FRYL: variants seen among roughly 807,000 people sequenced by gnomAD.
FRYL encodes the protein protein furry homolog-like.
Under a neutral mutation model 351.2 loss-of-function variants are expected in FRYL, and 150 were observed. The ratio of observed to expected loss-of-function variants is 0.43; its 90% confidence interval spans 0.37 to 0.49. The LOEUF is 0.49. Ranked by LOEUF, FRYL falls within the 20% of genes least tolerant of loss-of-function variation. The pLI, the probability that FRYL is intolerant of heterozygous loss-of-function variation, is 0.00. For missense variants in FRYL, 3,036 were observed against 3,619.3 expected (o/e 0.84, Z 4.13); for synonymous variants, 1,153 against 1,257.1 (o/e 0.92, Z 1.75).
Position 48,602,044 on chromosome 4 carries a change from T to C in FRYL, c.1011A>G (p.Leu337=), listed in dbSNP as rs762157539. 5.0e-6 allele frequency: 8 copies of C among 1,588,634 alleles called. No homozygotes were observed. Among genetic ancestry groups the C allele is most frequent in the Non-Finnish European group, 6.0e-6 (7 of 1,157,740 alleles). ...CCTTTAAATGTGACAAACAGTTCTG[T>C]AGGAAAATATGCCAGTTATTTAAAA... The part of the protein sequence containing the change: ...QFFLNNWHIF[L]QNCLSHLKNK... Residue 337 remains leucine (L), a synonymous_variant, in exon 13 of 64, where the codon CTA becomes CTG. Coordinates refer to ENST00000358350, the MANE Select transcript of FRYL (RefSeq NM_015030.2).
intron 4 of FRYL, among the ~76,000 whole-genome samples, chr4:48,627,875 G>A (rs559296521): frequency 1.1e-4 from 17 of 152,228 alleles, no homozygotes; most frequent in African/African-American, 4.1e-4. Context: ...GGGTTTAAGT[G>A]ATTCTTCTGC....
intron 59 of FRYL, 76 bp downstream of exon 59, chr4:48,509,983 G>A: frequency 1.1e-6 from 1 of 936,164 alleles, no homozygotes. Flanking sequence ...TTTCTGTCTG[G>A]GCTATTCTGC....
At chr4:48,706,735 G>C (rs1001909320) in intron 2 of FRYL, among the ~76,000 whole-genome samples, 3 of 152,102 alleles carry the variant, frequency 2.0e-5, no homozygotes, top group African/African-American at 7.2e-5. Flanking sequence ...AAAGAGCTTG[G>C]TTTCCATCTT....
At chr4:48,648,652 A>G (rs553032908) in intron 3 of FRYL, among the ~76,000 whole-genome samples, 39 of 152,212 alleles carry the variant, frequency 2.6e-4, no homozygotes, top group Non-Finnish European at 4.0e-4. Context: ...CAATTTATCA[A>G]TTGAAGAATG....
At chr4:48,773,574 G>A (rs1389531400) in intron 1 of FRYL, among the ~76,000 whole-genome samples, 5 of 151,776 alleles carry the variant, frequency 3.3e-5, no homozygotes, top group African/African-American at 1.2e-4. Context: ...GTTTTCATAG[G>A]GGAAAAAAAA....
chr4:48,500,017 C>A lies in FRYL; in HGVS notation c.8783+13G>T. Reference sequence around the variant, plus strand: ...ATTTAAAGGCATCACCTTTAAATCCCGTCACGTTTTACCTGAAAGCTTTGA... The same window carrying A: ...ATTTAAAGGCATCACCTTTAAATCCAGTCACGTTTTACCTGAAAGCTTTGA... On this transcript the variant is annotated intron_variant, in intron 63 of 63. Transcript: ENST00000358350. 6.5e-7 allele frequency: 1 copy of A among 1,546,998 alleles called. No individual in the cohort carries two copies.
chr4:48,506,708 A>T (rs1721132389), intron 59 of FRYL: 1 of 144,168 alleles, frequency 6.9e-6, no homozygotes, highest in South Asian at 2.2e-4. Flanking sequence ...TAGCTGCATT[A>T]AGCAGCTACT....
chr4:48,738,828 A>G (rs190744719), intron 1 of FRYL, among the ~76,000 whole-genome samples: 1 of 152,148 alleles, frequency 6.6e-6, no homozygotes, highest in Admixed American at 6.6e-5. Flanking sequence ...TATTGTAACA[A>G]TGTTAGTTAT....
rs754944681 is a variant in FRYL at position 48,499,501 on chromosome 4, T to TCTC, written c.8960_8962dup (p.Arg2987_Glu2988insGly). On this transcript the variant is annotated inframe_insertion, in exon 64 of 64. Transcript: ENST00000358350. ...GTATGATTGCACCATGCGTAGAGAC[T>TCTC]CTCTTATTTCCAGATTAAGTTCCAT... The TCTC allele has an allele frequency of 6.2e-7, 1 of 1,613,970 alleles. No individual in the cohort carries two copies. The highest frequency in any genetic ancestry group is 2.2e-5 in the East Asian group (1 of 44,876).
intron 22 of FRYL, 93 bp from the exon 23 acceptor site, chr4:48,579,334 T>C (rs1399479753): frequency 5.9e-6 from 6 of 1,011,922 alleles, no homozygotes; most frequent in South Asian, 1.7e-5. Context: ...GGTGTATTAG[T>C]AGTTTCTAAA....
In FRYL at chr4:48,617,824, C is replaced by T. The variant is rs78122141; in HGVS notation, c.411+1450G>A. ...AGAAAAGGATGCCATGGGAAATGAACGAAGGAGGAAGGCACAATGGGGCCA... is the reference window on the plus strand; with the variant it reads ...AGAAAAGGATGCCATGGGAAATGAATGAAGGAGGAAGGCACAATGGGGCCA... On this transcript the variant is annotated intron_variant, in intron 7 of 63. Transcript: ENST00000358350. The T allele has an allele frequency of 9.5e-3, 1,447 of 152,302 alleles. 18 individuals carry two copies. The highest frequency in any genetic ancestry group is 0.014 in the Non-Finnish European group (937 of 68,108). The allele number at this position is 152,302 out of a possible 1,614,324, so 9.4% of individuals were successfully genotyped here. A position where few individuals can be genotyped will look rare whatever the true frequency, so the allele number is the denominator to read the frequency against.
chr4:48,655,840 T>C (rs921451324), intron 3 of FRYL, among the ~76,000 whole-genome samples: 48 of 143,492 alleles, frequency 3.3e-4, no homozygotes, highest in Non-Finnish European at 1.5e-4. Flanking sequence ...TTATATATAC[T>C]ATATATAATG....
chr4:48,609,853 G>C, intron 7 of FRYL, 30 bp from the exon 8 acceptor site: 1 of 1,249,000 alleles, frequency 8.0e-7, no homozygotes, highest in Non-Finnish European at 1.1e-6. Context: ...TCAAGTAAGA[G>C]TTAAATTATT....
chr4:48,663,838 T>C (rs1578613062), intron 3 of FRYL, among the ~76,000 whole-genome samples: 1 of 139,992 alleles, frequency 7.1e-6, no homozygotes, highest in African/African-American at 2.7e-5. Flanking sequence ...AATGCAATAG[T>C]GGATATTAGA....
At chr4:48,626,989 C>T (rs965654139) in intron 4 of FRYL, among the ~76,000 whole-genome samples, 1 of 152,020 alleles carries the variant, frequency 6.6e-6, no homozygotes, top group Non-Finnish European at 1.5e-5. Flanking sequence ...CATATTTGGT[C>T]AATTATCTTG....
intron 3 of FRYL, among the ~76,000 whole-genome samples, chr4:48,674,746 A>AAAAAAC: frequency 6.6e-6 from 1 of 150,736 alleles, no homozygotes; most frequent in Non-Finnish European, 1.5e-5. Flanking sequence ...CAAAAAAAAA[A>AAAAAAC]AAAAAAAAAA....
chr4:48,707,856 T>C lies in FRYL; in HGVS notation c.-204+2663A>G, dbSNP rs576241871. Among the ~76,000 whole-genome samples, 3 of 151,578 alleles carry C rather than the reference T, an allele frequency of 2.0e-5. No individual in the cohort carries two copies. In the South Asian group the frequency reaches 6.2e-4, roughly 32 times the overall value. Reference sequence around the variant, plus strand: ...TTTTTTTTGAGATGGAGTCTTGCTCTGTCTCCCAGGCTGGAGTGCAGTGGT... The same window carrying C: ...TTTTTTTTGAGATGGAGTCTTGCTCCGTCTCCCAGGCTGGAGTGCAGTGGT... On this transcript the variant is annotated intron_variant, in intron 2 of 63. Transcript: ENST00000358350.
chr4:48,592,033 A>G (rs531467067), intron 16 of FRYL, among the ~76,000 whole-genome samples: 2 of 148,268 alleles, frequency 1.3e-5, no homozygotes, highest in East Asian at 2.0e-4. Flanking sequence ...CACGCATCCC[A>G]GTGGGTATGC....
intron 4 of FRYL, among the ~76,000 whole-genome samples, chr4:48,630,453 CAGA>C (rs1752723674): frequency 6.6e-6 from 1 of 152,106 alleles, no homozygotes; most frequent in South Asian, 2.1e-4. Flanking sequence ...AGGTCTAAAT[CAGA>C]AGAAGATAGG....
Sources: allele counts gnomAD v4.1 joint callset (sites outside exome capture counted in the v4.1 genomes callset), GRCh38; gene constraint gnomAD v4.1.1; transcripts MANE v1.5; gene names NCBI Gene and HGNC (gene_info 2026-07-23, HGNC 2026-07-21).